Variants in GALNT13 observed in about 807,000 individuals in gnomAD.
The protein encoded by GALNT13 is polypeptide N-acetylgalactosaminyltransferase 13.
A neutral mutation model predicts 64.2 loss-of-function variants in GALNT13; 28 were observed. The ratio of observed to expected loss-of-function variants is 0.44; its 90% CI spans 0.32 to 0.60. GALNT13 has a LOEUF of 0.60. GALNT13 is among the 20% of genes least tolerant of loss of function. The probability of loss-of-function intolerance (pLI) is 0.05; values close to 1 mark genes in which losing one functional copy is unlikely to be tolerated. For synonymous variants in GALNT13, 214 were observed against 224.6 expected (o/e 0.95, Z 0.42); for missense variants, 577 against 669.8 (o/e 0.86, Z 1.53).
intron 4 of GALNT13, among the ~76,000 whole-genome samples, chr2:154,211,781 G>A (rs1386316670): frequency 1.3e-5 from 2 of 151,956 alleles, no homozygotes; most frequent in Non-Finnish European, 1.5e-5. Context: ...ACTGTAAATG[G>A]CATTTAAAGT....
At chr2:154,444,706 T>G (rs550938261) in intron 12 of GALNT13, among the ~76,000 whole-genome samples, 1 of 152,236 alleles carries the variant, frequency 6.6e-6, no homozygotes, top group Non-Finnish European at 1.5e-5. Flanking sequence ...CAGAGATATT[T>G]GCCATGTGTT....
At chr2:153,377,782 C>T in the GALNT13 span, among the ~76,000 whole-genome samples, 61 of 152,152 alleles carry the variant, frequency 4.0e-4, no homozygotes, top group South Asian at 3.1e-3. Flanking sequence ...CCCTAGAAAA[C>T]GAATACAGTG....
intron 4 of GALNT13, among the ~76,000 whole-genome samples, chr2:154,152,217 T>A (rs1239486908): frequency 2.6e-5 from 4 of 152,204 alleles, no homozygotes; most frequent in Admixed American, 2.0e-4. Flanking sequence ...TATGAAATTC[T>A]GGGTTGAAAA....
intron 8 of GALNT13, among the ~76,000 whole-genome samples, chr2:154,263,226 T>G (rs1431502801): frequency 6.6e-6 from 1 of 152,180 alleles, no homozygotes; most frequent in East Asian, 1.9e-4. Flanking sequence ...GCACTTACCA[T>G]CTGTGTAAGC....
the GALNT13 span, among the ~76,000 whole-genome samples, chr2:153,128,637 A>G: frequency 7.9e-5 from 12 of 152,170 alleles, no homozygotes; most frequent in African/African-American, 2.9e-4. Context: ...CAGTAATTTC[A>G]ATCTATATTT....
the GALNT13 span, chr2:153,421,718 G>A: frequency 3.5e-6 from 1 of 286,952 alleles, no homozygotes; most frequent in Non-Finnish European, 7.1e-6. Context: ...AAGAGCTGGT[G>A]GTAGGTGCCA....
At chr2:153,957,561 A>C (rs1692651939) in intron 3 of GALNT13, among the ~76,000 whole-genome samples, 2 of 152,196 alleles carry the variant, frequency 1.3e-5, no homozygotes, top group Admixed American at 6.5e-5. Flanking sequence ...TACCAGGGAC[A>C]GTTAGGACAT....
intron 9 of GALNT13, among the ~76,000 whole-genome samples, chr2:154,308,150 G>A (rs1693842318): frequency 6.6e-6 from 1 of 151,998 alleles, no homozygotes; most frequent in Non-Finnish European, 1.5e-5. Flanking sequence ...GTATTTGTAT[G>A]TGACTTGGAA....
chr2:153,274,389 A>G, the GALNT13 span, among the ~76,000 whole-genome samples: 2 of 152,088 alleles, frequency 1.3e-5, no homozygotes, highest in Non-Finnish European at 2.9e-5. Flanking sequence ...TTGCACCACA[A>G]CATTTTCTAG....
the GALNT13 span, among the ~76,000 whole-genome samples, chr2:153,334,566 G>A: frequency 6.6e-6 from 1 of 150,596 alleles, no homozygotes; most frequent in Non-Finnish European, 1.5e-5. Context: ...TTTTAATTTT[G>A]GCAAACCACT....
At chr2:153,442,115 C>G in the GALNT13 span, among the ~76,000 whole-genome samples, 5 of 152,208 alleles carry the variant, frequency 3.3e-5, no homozygotes, top group African/African-American at 1.2e-4. Context: ...TTTTGAGATA[C>G]AGTCCATCAA....
chr2:153,453,884 G>T, the GALNT13 span, among the ~76,000 whole-genome samples: 2 of 152,088 alleles, frequency 1.3e-5, no homozygotes, highest in Non-Finnish European at 2.9e-5. Flanking sequence ...CATCAACAGT[G>T]GATTGGATGA....
At chr2:154,436,580 G>A (rs1399357598) in intron 11 of GALNT13, 2 of 152,106 alleles carry the variant, frequency 1.3e-5, no homozygotes, top group East Asian at 3.9e-4. Flanking sequence ...AATTTCTCTA[G>A]AAATTTTCTT....
At chr2:154,329,903 C>G (rs1318181492) in intron 9 of GALNT13, among the ~76,000 whole-genome samples, 3 of 152,060 alleles carry the variant, frequency 2.0e-5, no homozygotes, top group Non-Finnish European at 4.4e-5. Flanking sequence ...GCCTGAGGCC[C>G]TCACCAGAAA....
the GALNT13 span, among the ~76,000 whole-genome samples, chr2:153,495,591 A>G: frequency 6.6e-6 from 1 of 152,232 alleles, no homozygotes; most frequent in Non-Finnish European, 1.5e-5. Flanking sequence ...AAAGGAACCT[A>G]CTGATGCAAA....
chr2:153,289,007 A>T, the GALNT13 span, among the ~76,000 whole-genome samples: 2 of 152,216 alleles, frequency 1.3e-5, no homozygotes, highest in African/African-American at 4.8e-5. Flanking sequence ...CAGCAGTAAT[A>T]ATTTCTGGGG....
Position 154,042,357 on chromosome 2 carries a change from G to C in GALNT13, c.142+97718G>C, listed in dbSNP as rs1324480494. The stretch of plus-strand genomic sequence containing the variant: ...CTCATAATTTTAAATACTGTACTGA[G>C]GATTTGCTCCCTACTTTCAAAGAAA... On this transcript the variant is annotated intron_variant, in intron 3 of 12. Transcript: ENST00000392825. 1.5e-5 allele frequency among the ~76,000 whole-genome samples: 2 copies of C among 137,658 alleles called. 1 individual carries two copies. The allele number at this position is 137,658 out of a possible 152,430, so 90.3% of individuals were successfully genotyped here. A position where few individuals can be genotyped will look rare whatever the true frequency, so the allele number is the denominator to read the frequency against.
the GALNT13 span, among the ~76,000 whole-genome samples, chr2:153,591,694 G>C: frequency 6.6e-6 from 1 of 151,932 alleles, no homozygotes; most frequent in African/African-American, 2.4e-5. Context: ...ATATGGATTA[G>C]AGACTTAAAT....
chr2:153,370,376 C>G, the GALNT13 span, among the ~76,000 whole-genome samples: 3 of 152,046 alleles, frequency 2.0e-5, no homozygotes, highest in African/African-American at 7.2e-5. Context: ...AAGAAAATTA[C>G]AAACCGGTGT....
Sources: allele counts gnomAD v4.1 joint callset (sites outside exome capture counted in the v4.1 genomes callset), GRCh38; gene constraint gnomAD v4.1.1; transcripts MANE v1.5; gene names NCBI Gene and HGNC (gene_info 2026-07-23, HGNC 2026-07-21).